Variants in G2E3 observed in about 807,000 individuals in gnomAD.
G2E3 encodes the protein G2/M-phase specific E3 ubiquitin protein ligase.
Under a neutral mutation model 92.8 loss-of-function variants are expected in G2E3, and 35 were observed. That is an observed-to-expected ratio of 0.38 (90% CI 0.29 to 0.50). The LOEUF (loss-of-function observed/expected upper bound fraction) is 0.50. G2E3 is among the 20% of genes least tolerant of loss of function. The probability of loss-of-function intolerance (pLI) is 0.94; values close to 1 mark genes in which losing one functional copy is unlikely to be tolerated. For missense variants in G2E3, 554 were observed against 823.8 expected, an observed-to-expected ratio of 0.67 and a Z score of 4.01; for synonymous variants, 242 against 272.4, an observed-to-expected ratio of 0.89 and a Z score of 1.10.
chr14:30,617,777 G>T lies in G2E3; in HGVS notation c.*1243G>T, dbSNP rs1330196556. 6.6e-6 allele frequency: 1 copy of T among 151,922 alleles called. No homozygotes were observed. Among genetic ancestry groups the T allele is most frequent in the Non-Finnish European group, 1.5e-5 (1 of 67,912 alleles). The allele number at this position is 151,922 out of a possible 1,614,324, so 9.4% of individuals were successfully genotyped here. On this transcript the variant is annotated 3_prime_UTR_variant, in exon 15 of 15. Coordinates refer to ENST00000206595, the MANE Select transcript of G2E3 (RefSeq NM_017769.5). The stretch of plus-strand genomic sequence containing the variant: ...TAAAAGACAATACCTAAAAGTAACT[G>T]TACTAACAAAGTGCTAACAATGTGA...
At position 30,583,585 on chromosome 14, in the gene G2E3, G is replaced by T. The variant is rs377677745; in HGVS notation, c.37+2469G>T. Reference sequence around the variant, plus strand: ...ATAGACTGGTGGAATAAGTTCAAGAGATCTGTTGTACAACATGGTGACTAT... The same window carrying T: ...ATAGACTGGTGGAATAAGTTCAAGATATCTGTTGTACAACATGGTGACTAT... On this transcript the variant is annotated intron_variant, in intron 2 of 14. Transcript: ENST00000206595. Among the ~76,000 whole-genome samples, 118 of 152,308 alleles carry T rather than the reference G, an allele frequency of 7.7e-4. 1 individual carries two copies. The East Asian group carries it at 0.016, about 20-fold the overall frequency.
At chr14:30,586,848 T>C in intron 3 of G2E3, 33 bp downstream of exon 3, 1 of 736,864 alleles carries the variant, frequency 1.4e-6, no homozygotes, top group Non-Finnish European at 2.1e-6. Context: ...TTCTAGAAAT[T>C]TGGTGTTCTA....
At chr14:30,562,902 ACACGTGACC>A (rs1879196984) in intron 1 of G2E3, among the ~76,000 whole-genome samples, 1 of 152,202 alleles carries the variant, frequency 6.6e-6, no homozygotes, top group Admixed American at 6.5e-5. Flanking sequence ...TGTCCAGTGG[ACACGTGACC>A]CACGTGAACT....
At chr14:30,566,827 G>A (rs1377101388) in intron 1 of G2E3, among the ~76,000 whole-genome samples, 1 of 152,124 alleles carries the variant, frequency 6.6e-6, no homozygotes, top group Non-Finnish European at 1.5e-5. Flanking sequence ...GTTAATTACA[G>A]GTTTTTCCAT....
At chr14:30,579,558 C>CTG (rs1449856994) in intron 1 of G2E3, among the ~76,000 whole-genome samples, 1 of 152,156 alleles carries the variant, frequency 6.6e-6, no homozygotes, top group Non-Finnish European at 1.5e-5. Flanking sequence ...ATAAAATAAT[C>CTG]TGTGTCCTAC....
At chr14:30,564,174 CCA>C (rs1879293053) in intron 1 of G2E3, among the ~76,000 whole-genome samples, 1 of 152,118 alleles carries the variant, frequency 6.6e-6, no homozygotes, top group South Asian at 2.1e-4. Context: ...TATGAATATA[CCA>C]CAGTTTGTTT....
At chr14:30,574,355 T>C (rs1879947411) in intron 1 of G2E3, among the ~76,000 whole-genome samples, 1 of 152,124 alleles carries the variant, frequency 6.6e-6, no homozygotes, top group Admixed American at 6.5e-5. Flanking sequence ...TATTCCCCAG[T>C]GCAGGATACA....
rs114470233 is a variant in G2E3, at chr14:30,572,279, T to C, written c.-4-8797T>C. Among the ~76,000 whole-genome samples the C allele has an allele frequency of 8.1e-3, 1,229 of 152,296 alleles. 16 individuals are homozygous for C. Among genetic ancestry groups the C allele is most frequent in the African/African-American group, 0.028 (1,177 of 41,566 alleles). ...TGATCATATGTGAAAACAGTTTTAC[T>C]TCATCCTTCACAGTTTTGTCTTCTT... On this transcript the variant is annotated intron_variant, in intron 1 of 14. Coordinates refer to ENST00000206595, the MANE Select transcript of G2E3 (RefSeq NM_017769.5).
intron 13 of G2E3, 39 bp downstream of exon 13, chr14:30,612,418 C>T: frequency 7.8e-7 from 1 of 1,274,296 alleles, no homozygotes; most frequent in Non-Finnish European, 1.1e-6. Flanking sequence ...TTTCAAATTA[C>T]ATGTTTAAAG....
intron 2 of G2E3, among the ~76,000 whole-genome samples, chr14:30,583,156 A>T (rs1396822894): frequency 2.0e-5 from 3 of 152,126 alleles, no homozygotes; most frequent in Non-Finnish European, 2.9e-5. Context: ...TCTTGTAGGG[A>T]TCTACTTCTT....
intron 12 of G2E3, chr14:30,611,818 G>A: frequency 6.4e-6 from 1 of 156,556 alleles, no homozygotes; most frequent in Non-Finnish European, 1.3e-5. Flanking sequence ...CCCACACCAG[G>A]CCTTTTTTTT....
In G2E3 at chr14:30,615,483, C is replaced by A. The variant is rs1171904877; in HGVS notation, c.1808C>A (p.Thr603Lys). ...CTTAGTGAGCTTTTTACAGTACACA[C>A]ATTACCTGATGTGAAAGCTTTGGGG... ...KILSELFTVH[T>K]LPDVKALGFW... Residue 603 changes from threonine to lysine, a missense_variant, in exon 14 of 15, where the codon ACA (threonine) becomes AAA (lysine). Around this residue, in one of 3 missense-constraint regions of G2E3, gnomAD observed 397 missense variants for 560.3 expected, o/e 0.71. Coordinates refer to ENST00000206595, the MANE Select transcript of G2E3 (RefSeq NM_017769.5). 3 of 1,609,720 alleles carry A rather than the reference C, an allele frequency of 1.9e-6. No individual in the cohort carries two copies. Among genetic ancestry groups the A allele is most frequent in the South Asian group, 2.2e-5 (2 of 90,512 alleles).
chr14:30,594,080 A>G (rs1184286201), intron 6 of G2E3, among the ~76,000 whole-genome samples: 1 of 152,216 alleles, frequency 6.6e-6, no homozygotes, highest in African/African-American at 2.4e-5. Flanking sequence ...ACTTCTTAAC[A>G]GGGAGCTGAT....
intron 1 of G2E3, among the ~76,000 whole-genome samples, chr14:30,568,832 A>G (rs1216780130): frequency 3.3e-5 from 5 of 152,216 alleles, no homozygotes; most frequent in African/African-American, 9.6e-5. Context: ...GAGAATTACC[A>G]AAAGTGCAAT....
chr14:30,615,570 A>C, intron 14 of G2E3, 31 bp downstream of exon 14: 1 of 1,313,088 alleles, frequency 7.6e-7, no homozygotes, highest in Non-Finnish European at 1.0e-6. Context: ...ACTTTTAACG[A>C]TCTCAGAATA....
At chr14:30,616,042 T>C (rs1364979349) in intron 14 of G2E3, among the ~76,000 whole-genome samples, 2 of 152,194 alleles carry the variant, frequency 1.3e-5, no homozygotes, top group Non-Finnish European at 2.9e-5. Context: ...GTATTTGTTA[T>C]ATACAATAAG....
At chr14:30,612,157 T>C (rs1175606765) in intron 12 of G2E3, 50 bp from the exon 13 acceptor site, 1 of 1,299,456 alleles carries the variant, frequency 7.7e-7, no homozygotes, top group South Asian at 1.3e-5. Context: ...AATGTGCATG[T>C]CACTCAAAAG....
chr14:30,612,461 G>A, intron 13 of G2E3, 82 bp downstream of exon 13: 1 of 857,534 alleles, frequency 1.2e-6, no homozygotes. Flanking sequence ...AGATATATTT[G>A]GTAATAAGTG....
At chr14:30,602,400 A>G (rs1345972222) in intron 10 of G2E3, among the ~76,000 whole-genome samples, 1 of 101,284 alleles carries the variant, frequency 9.9e-6, no homozygotes, top group Admixed American at 1.0e-4. Context: ...GGAAAAGTGT[A>G]TCTATCCTAA....
Sources: allele counts gnomAD v4.1 joint callset (sites outside exome capture counted in the v4.1 genomes callset), GRCh38; gene constraint gnomAD v4.1.1; regional missense constraint gnomAD v4.1.1; transcripts MANE v1.5; gene names NCBI Gene and HGNC (gene_info 2026-07-23, HGNC 2026-07-21).